The following CDH18 variants were observed in gnomAD, a reference collection of about 807,000 sequenced individuals.
CDH18 encodes cadherin 18.
Under a neutral mutation model 67.9 loss-of-function variants are expected in CDH18, and 31 were observed. The ratio of observed to expected loss-of-function variants is 0.46; its 90% confidence interval spans 0.34 to 0.62. CDH18 has a LOEUF of 0.62. Among genes scored for constraint, CDH18 ranks in the 20% least tolerant of loss-of-function variants. The probability of loss-of-function intolerance (pLI) is 0.01; values close to 1 mark genes in which losing one functional copy is unlikely to be tolerated. For synonymous variants in CDH18, 362 were observed against 347.2 expected (o/e 1.04, Z -0.48); for missense variants, 890 against 975.5 (o/e 0.91, Z 1.17).
At chr5:20,568,531 CAACTA>C (rs1561139740) in intron 1 of CDH18, among the ~76,000 whole-genome samples, 4 of 152,044 alleles carry the variant, frequency 2.6e-5, no homozygotes, top group South Asian at 4.2e-4. Context: ...TGCCAGCCAA[CAACTA>C]AACTTTATGA....
At position 20,463,943 on chromosome 5, in the gene CDH18, GA is replaced by G. The variant is rs1489711554; in HGVS notation, c.-580+111518del. On this transcript the variant is annotated intron_variant, in intron 1 of 14. Coordinates refer to the CDH18 transcript ENST00000507958. ...TGCTGATAGGTAGGGGAGAAAATAT[GA>G]GTGAATCAGAGAAACAAGGCAATAT... Among the ~76,000 whole-genome samples the G allele has an allele frequency of 3.3e-5, 5 of 152,218 alleles. No individual in the cohort carries two copies. The East Asian group carries it at 9.7e-4, about 29-fold the overall frequency.
At chr5:19,907,259 G>C (rs925765598) in intron 2 of CDH18, among the ~76,000 whole-genome samples, 2 of 151,484 alleles carry the variant, frequency 1.3e-5, no homozygotes, top group African/African-American at 4.8e-5. Flanking sequence ...TTTGCACTTG[G>C]GTCAAAAATC....
intron 2 of CDH18, among the ~76,000 whole-genome samples, chr5:20,114,138 T>C (rs1447784187): frequency 6.6e-6 from 1 of 152,236 alleles, no homozygotes; most frequent in Non-Finnish European, 1.5e-5. Context: ...TGCAACATCA[T>C]CAATTAACTT....
intron 2 of CDH18, among the ~76,000 whole-genome samples, chr5:20,198,207 T>C (rs369340372): frequency 6.6e-6 from 1 of 152,160 alleles, no homozygotes; most frequent in African/African-American, 2.4e-5. Flanking sequence ...GGAAGTGACT[T>C]TGGAACTCGG....
At chr5:19,675,140 C>T (rs999959409) in intron 5 of CDH18, among the ~76,000 whole-genome samples, 6 of 151,816 alleles carry the variant, frequency 4.0e-5, no homozygotes, top group African/African-American at 1.2e-4. Flanking sequence ...AGGGAGTGTA[C>T]GAATAGGGTG....
intron 11 of CDH18, among the ~76,000 whole-genome samples, chr5:19,496,817 A>AG (rs919923479): frequency 4.6e-5 from 7 of 151,196 alleles, no homozygotes; most frequent in Non-Finnish European, 8.9e-5. Context: ...ATCTCAAAAA[A>AG]AAAAAAAAAA....
chr5:19,826,066 T>C (rs114098447), intron 3 of CDH18, among the ~76,000 whole-genome samples: 358 of 152,082 alleles, frequency 2.4e-3, no homozygotes, highest in Non-Finnish European at 3.5e-3. Context: ...GCTGAAAAAC[T>C]CCAAGAATCT....
chr5:20,418,346 C>T (rs1481033145), intron 1 of CDH18, among the ~76,000 whole-genome samples: 1 of 148,310 alleles, frequency 6.7e-6, no homozygotes, highest in Non-Finnish European at 1.5e-5. Flanking sequence ...CCGCCCACCT[C>T]GGCCTCCCAA....
intron 2 of CDH18, among the ~76,000 whole-genome samples, chr5:19,862,227 T>A (rs890674152): frequency 6.6e-6 from 1 of 152,158 alleles, no homozygotes; most frequent in Non-Finnish European, 1.5e-5. Context: ...TTCAAAATAA[T>A]CTAATTAATG....
rs905286432 is a variant in CDH18 at position 19,472,106 on chromosome 5, A to G, written c.*1120T>C. Among the ~76,000 whole-genome samples the G allele has an allele frequency of 1.3e-5, 2 of 152,138 alleles. No homozygotes were observed. The highest frequency in any genetic ancestry group is 2.4e-5 in the African/African-American group (1 of 41,444). ...TTTTCCTGTTGATACCAAACTAATT[A>G]TCAGTGAGATGGAAAAAATCTGAAA... On this transcript the variant is annotated 3_prime_UTR_variant, in exon 13 of 13. Transcript: ENST00000382275.
intron 9 of CDH18, among the ~76,000 whole-genome samples, chr5:19,532,594 T>C (rs1748806606): frequency 1.3e-5 from 2 of 152,290 alleles, no homozygotes; most frequent in Admixed American, 6.5e-5. Flanking sequence ...GTATCACTTA[T>C]GTTTTAAAAG....
At chr5:20,174,205 C>T (rs187399110) in intron 2 of CDH18, among the ~76,000 whole-genome samples, 2 of 152,206 alleles carry the variant, frequency 1.3e-5, no homozygotes, top group East Asian at 3.9e-4. Context: ...TGCCATCTTT[C>T]AAGAATAATT....
At chr5:19,581,469 G>C (rs188702843) in intron 7 of CDH18, among the ~76,000 whole-genome samples, 1 of 151,714 alleles carries the variant, frequency 6.6e-6, no homozygotes, top group East Asian at 1.9e-4. Flanking sequence ...ATTCTTCTCT[G>C]GAACTATATA....
At chr5:20,244,232 C>T (rs1001178223) in intron 2 of CDH18, among the ~76,000 whole-genome samples, 1 of 152,072 alleles carries the variant, frequency 6.6e-6, no homozygotes, top group Non-Finnish European at 1.5e-5. Flanking sequence ...GTTGCATGAT[C>T]TAACTTAATG....
intron 5 of CDH18, among the ~76,000 whole-genome samples, chr5:19,663,233 GA>G (rs1054090812): frequency 1.2e-4 from 18 of 151,574 alleles, no homozygotes; most frequent in Non-Finnish European, 2.2e-4. Context: ...GCTTTAATGA[GA>G]AAAAAAATGT....
chr5:19,828,312 T>C (rs1282108477), intron 3 of CDH18, among the ~76,000 whole-genome samples: 3 of 152,138 alleles, frequency 2.0e-5, no homozygotes, highest in South Asian at 4.1e-4. Context: ...GTACCATTCC[T>C]ATAGAAACTA....
At chr5:19,669,153 T>C (rs1348424117) in intron 5 of CDH18, among the ~76,000 whole-genome samples, 2 of 146,392 alleles carry the variant, frequency 1.4e-5, no homozygotes, top group African/African-American at 5.0e-5. Flanking sequence ...TTATATATAA[T>C]ATCATATATC....
chr5:20,447,576 G>A (rs1347292918), intron 1 of CDH18, among the ~76,000 whole-genome samples: 1 of 152,118 alleles, frequency 6.6e-6, no homozygotes, highest in Admixed American at 6.6e-5. Context: ...ATATGCCTCT[G>A]TTTTCTAGAA....
chr5:20,446,869 A>C (rs186407922), intron 1 of CDH18, among the ~76,000 whole-genome samples: 1 of 152,340 alleles, frequency 6.6e-6, no homozygotes, highest in African/African-American at 2.4e-5. Context: ...AAGTTAACAA[A>C]GAGGAGGAAA....
Sources: gnomAD v4.1 joint callset for allele counts (sites outside exome capture counted in the v4.1 genomes callset) on GRCh38, gnomAD v4.1.1 for gene constraint, MANE v1.5 for transcripts, NCBI Gene and HGNC (gene_info 2026-07-23, HGNC 2026-07-21) for gene names.